The following SAMD4B variants were observed in gnomAD, a reference collection of about 807,000 sequenced individuals.
SAMD4B encodes sterile alpha motif domain containing 4B.
In SAMD4B, 5 loss-of-function variants were observed where a neutral mutation model predicts 74.5. That is an observed-to-expected ratio of 0.07 (90% CI 0.04 to 0.14). The LOEUF is 0.14. SAMD4B is among the 10% of genes least tolerant of loss of function. The probability of loss-of-function intolerance (pLI) is 1.00; values close to 1 mark genes in which losing one functional copy is unlikely to be tolerated. For synonymous variants in SAMD4B, 373 were observed against 374.9 expected, an observed-to-expected ratio of 1.00 and a Z score of 0.06; for missense variants, 608 against 921.8, an observed-to-expected ratio of 0.66 and a Z score of 4.41.
At chr19:39,390,165 G>A (rs773622192), downstream of SAMD4B, 4 of 1,613,748 alleles carry the variant, frequency 2.5e-6, no homozygotes, top group East Asian at 4.5e-5. Context: ...TCCAGACCTA[G>A]GAACATTAGT....
At chr19:39,356,640 C>T (rs2076357985) in intron 2 of SAMD4B, 49 bp from the exon 3 acceptor site, 2 of 388,346 alleles carry the variant, frequency 5.2e-6, no homozygotes, top group African/African-American at 4.1e-5. Context: ...ACTCACCAGG[C>T]AAGTTTCAGC....
rs1224770932 is a variant in SAMD4B at position 39,357,329 on chromosome 19, A to G, written c.196+240A>G. On this transcript the variant is annotated intron_variant, in intron 3 of 13. Coordinates refer to ENST00000610417, the MANE Select transcript of SAMD4B (RefSeq NM_001384574.2). The stretch of plus-strand genomic sequence containing the variant: ...AGGCAATGCAAACTGGAAACTCCCC[A>G]TAACAGGAAGATCATGTAGAGTGGC... 3.3e-5 allele frequency among the ~76,000 whole-genome samples: 5 copies of G among 152,318 alleles called. No homozygotes were observed. In the East Asian group the frequency reaches 9.6e-4, roughly 29 times the overall value.
At chr19:39,345,378 A>G (rs1365548695) in intron 1 of SAMD4B, among the ~76,000 whole-genome samples, 2 of 152,150 alleles carry the variant, frequency 1.3e-5, no homozygotes, top group Admixed American at 6.5e-5. Context: ...CTACTTTTGA[A>G]TGGTTTCTTT....
In SAMD4B at chr19:39,369,971, C is replaced by T; in HGVS notation, c.513C>T (p.Gly171=). Residue 171 remains glycine (G), a synonymous_variant, in exon 4 of 14, where the codon GGC becomes GGT. Coordinates refer to ENST00000610417, the MANE Select transcript of SAMD4B (RefSeq NM_001384574.2). ...AGCCCTCCTACCATTCACGTCAAGGCTCAGATGAGTGGGGGGGCCCTGCAG... is the reference window on the plus strand; with the variant it reads ...AGCCCTCCTACCATTCACGTCAAGGTTCAGATGAGTGGGGGGGCCCTGCAG... The part of the protein sequence containing the change: ...RPEPSYHSRQ[G]SDEWGGPAEL... 2 of 1,613,738 alleles carry T rather than the reference C, an allele frequency of 1.2e-6. No homozygotes were observed. Among genetic ancestry groups the T allele is most frequent in the Non-Finnish European group, 1.7e-6 (2 of 1,179,870 alleles).
At position 39,375,569 on chromosome 19, in the gene SAMD4B, C is replaced by G. The variant is rs759340779; in HGVS notation, c.668-81C>G. On this transcript the variant is annotated intron_variant, in intron 4 of 13. Transcript: ENST00000610417. This position sits in a 1 kb window ranked among gnomAD's most constrained non-coding sequence, Gnocchi z 4.1. ...GCAGGTTATGGGGCCAAACTGCCAT[C>G]CTGGCACTGACGGCAGGGGGATGGT... 5 of 1,540,762 alleles carry G rather than the reference C, an allele frequency of 3.2e-6. No individual in the cohort carries two copies. Among genetic ancestry groups the G allele is most frequent in the Non-Finnish European group, 3.5e-6 (4 of 1,134,512 alleles).
At chr19:39,389,542 A>G (rs1364177096), downstream of SAMD4B, 9 of 1,614,020 alleles carry the variant, frequency 5.6e-6, no homozygotes, top group Non-Finnish European at 7.6e-6. This position sits in a 1 kb window ranked among gnomAD's most constrained non-coding sequence, Gnocchi z 5.3. Flanking sequence ...CTGGATCTAG[A>G]AGAACTAGAG....
downstream of SAMD4B, chr19:39,390,052 C>G: frequency 6.3e-7 from 1 of 1,598,718 alleles, no homozygotes. Flanking sequence ...AGTAGTTTTC[C>G]CATTCCTTAG....
chr19:39,364,313 C>T (rs532755049), intron 3 of SAMD4B, among the ~76,000 whole-genome samples: 8 of 152,262 alleles, frequency 5.3e-5, no homozygotes, highest in Non-Finnish European at 8.8e-5. Flanking sequence ...TAAACAACAG[C>T]GATTGAGAAT....
chr19:39,385,180 T>A lies in SAMD4B; in HGVS notation c.*1653T>A. 8.8e-5 allele frequency: 14 copies of A among 159,368 alleles called. No homozygotes were observed. Among genetic ancestry groups the A allele is most frequent in the South Asian group, 2.2e-4 (1 of 4,602 alleles). The allele number at this position is 159,368 out of a possible 1,614,324, so 9.9% of individuals were successfully genotyped here. ...GCAAGTCCCCCACCCCGGCCCTCCA[T>A]GTTTCTGTGCCTTTGCTCATCCCCT... is the stretch of plus-strand genomic sequence containing the variant. On this transcript the variant is annotated 3_prime_UTR_variant, in exon 14 of 14. Transcript: ENST00000610417.
At chr19:39,372,112 T>C (rs1462097971) in intron 4 of SAMD4B, among the ~76,000 whole-genome samples, 1 of 152,072 alleles carries the variant, frequency 6.6e-6, no homozygotes, top group East Asian at 1.9e-4. Flanking sequence ...GATTGAACAA[T>C]GTTGATAGGG....
At chr19:39,344,733 C>T (rs534307416) in intron 1 of SAMD4B, among the ~76,000 whole-genome samples, 23 of 152,184 alleles carry the variant, frequency 1.5e-4, no homozygotes, top group Non-Finnish European at 2.6e-4. Context: ...CCAAGAGCCT[C>T]TATGTTTCCT....
At chr19:39,380,428 C>G (rs2077892747) in intron 10 of SAMD4B, among the ~76,000 whole-genome samples, 159 bp from the exon 11 acceptor site, 1 of 152,234 alleles carries the variant, frequency 6.6e-6, no homozygotes, top group South Asian at 2.1e-4. Flanking sequence ...CATGTCCCAT[C>G]TCCTTCCAGG....
intron 3 of SAMD4B, 100 bp downstream of exon 3, chr19:39,357,189 G>A (rs1354590327): frequency 1.7e-5 from 18 of 1,090,178 alleles, no homozygotes; most frequent in Non-Finnish European, 2.2e-5. Context: ...ACTAAAAAAC[G>A]TGGGTTCTAG....
In SAMD4B at chr19:39,383,200, C is replaced by T. The variant is rs1404510011; in HGVS notation, c.1973-8C>T. The T allele has an allele frequency of 8.1e-6, 13 of 1,613,700 alleles. No individual in the cohort carries two copies. Among genetic ancestry groups the T allele is most frequent in the Non-Finnish European group, 1.1e-5 (13 of 1,179,690 alleles). ...CTTACCACCCCCATTCTCCTCTCTC[C>T]CACCCAGACTGCCCGGTTCCTGGGC... On this transcript the variant is annotated splice_polypyrimidine_tract_variant and splice_region_variant and intron_variant, in intron 12 of 13. Transcript: ENST00000610417. This position sits in a 1 kb window ranked among gnomAD's most constrained non-coding sequence, Gnocchi z 4.1.
At chr19:39,389,349 G>C, downstream of SAMD4B, 1 of 1,614,038 alleles carries the variant, frequency 6.2e-7, no homozygotes, top group Non-Finnish European at 8.5e-7. The surrounding 1 kb of genome is among the most constrained non-coding windows in gnomAD (Gnocchi z 5.3). Flanking sequence ...TCTGTCTTTC[G>C]CATCCATGGC....
chr19:39,390,587 T>A (rs1265756966), downstream of SAMD4B, among the ~76,000 whole-genome samples: 1 of 152,164 alleles, frequency 6.6e-6, no homozygotes, highest in African/African-American at 2.4e-5. Flanking sequence ...AAGAGGGGTC[T>A]CCAAACGGTT....
rs1003293221 is a variant in SAMD4B at position 39,383,808 on chromosome 19, C to T, written c.*281C>T. 2.0e-5 allele frequency: 25 copies of T among 1,225,512 alleles called. No homozygotes were observed. Among genetic ancestry groups the T allele is most frequent in the Non-Finnish European group, 2.7e-5 (24 of 877,908 alleles). 75.9% of individuals were successfully genotyped at this position (1,225,512 alleles called of 1,614,324 possible). On this transcript the variant is annotated 3_prime_UTR_variant, in exon 14 of 14. Coordinates refer to ENST00000610417, the MANE Select transcript of SAMD4B (RefSeq NM_001384574.2). The surrounding 1 kb of genome is among the most constrained non-coding windows in gnomAD (Gnocchi z 4.1). ...TGCCTGCCTCTCTCCTTTCCTTCCTCATCCCCACCTGGTCCCATCCCACCC... is the reference window on the plus strand; with the variant it reads ...TGCCTGCCTCTCTCCTTTCCTTCCTTATCCCCACCTGGTCCCATCCCACCC...
At chr19:39,388,317 CAGAT>C (rs772463463), downstream of SAMD4B, 29 of 1,613,546 alleles carry the variant, frequency 1.8e-5, no homozygotes, top group South Asian at 3.2e-4. Context: ...CCAGGCTAAT[CAGAT>C]AGGAGTGTGC....
intron 1 of SAMD4B, among the ~76,000 whole-genome samples, chr19:39,348,860 A>G (rs1266052429): frequency 6.6e-6 from 1 of 152,180 alleles, no homozygotes; most frequent in Non-Finnish European, 1.5e-5. Context: ...TACAGAAAAC[A>G]GGACTTGATG....
Sources: gnomAD v4.1 joint callset for allele counts (sites outside exome capture counted in the v4.1 genomes callset) on GRCh38, gnomAD v4.1.1 for gene constraint, Gnocchi (gnomAD v3.1) non-coding constraint, MANE v1.5 for transcripts, NCBI Gene and HGNC (gene_info 2026-07-23, HGNC 2026-07-21) for gene names.